Variants in KCTD3 observed in about 807,000 individuals in gnomAD.
KCTD3 encodes potassium channel tetramerization domain containing 3.
In KCTD3, 41 loss-of-function variants were observed where a neutral mutation model predicts 85.8. That is an observed-to-expected ratio of 0.48 (90% CI 0.37 to 0.62). The LOEUF is 0.62. KCTD3 is among the 20% of genes least tolerant of loss of function. KCTD3 has a pLI of 0.00. For synonymous variants in KCTD3, 338 were observed against 345.4 expected, an observed-to-expected ratio of 0.98 and a Z score of 0.24; for missense variants, 724 against 989.9, an observed-to-expected ratio of 0.73 and a Z score of 3.60.
chr1:215,612,531 T>C (rs546533712), intron 15 of KCTD3, among the ~76,000 whole-genome samples: 44 of 152,328 alleles, frequency 2.9e-4, no homozygotes, highest in African/African-American at 8.4e-4. Flanking sequence ...GCTGCACTTA[T>C]GCTTCCATTA....
At chr1:215,596,384 G>A (rs1159143281) in intron 10 of KCTD3, among the ~76,000 whole-genome samples, 1 of 152,228 alleles carries the variant, frequency 6.6e-6, no homozygotes, top group South Asian at 2.1e-4. Context: ...AGAAGAAAGG[G>A]TGAGAAATAT....
chr1:215,618,797 C>T, intron 15 of KCTD3, 89 bp from the exon 16 acceptor site: 1 of 954,636 alleles, frequency 1.0e-6, no homozygotes, highest in Non-Finnish European at 1.6e-6. Context: ...AACATGTTTG[C>T]TTTCTTTCTT....
Position 215,620,173 on chromosome 1 carries a change from A to G in KCTD3, c.2003A>G (p.Tyr668Cys), listed in dbSNP as rs756398946. The change falls in exon 18 of 18, where the codon TAT becomes TGT. Residue 668 changes from tyrosine to cysteine, a missense_variant. Transcript: ENST00000259154. ...RARRTESFHS[Y>C]RDFQTINLNR... The stretch of plus-strand genomic sequence containing the variant: ...AGAAGGACTGAGAGCTTTCACAGTT[A>G]TAGGGACTTCCAGACTATTAATTTG... 43 of 1,613,886 alleles carry G rather than the reference A, an allele frequency of 2.7e-5. No homozygotes were observed. Among genetic ancestry groups the G allele is most frequent in the Admixed American group, 1.8e-4 (11 of 60,004 alleles).
At chr1:215,610,560 T>C (rs1655192196) in intron 14 of KCTD3, among the ~76,000 whole-genome samples, 1 of 151,942 alleles carries the variant, frequency 6.6e-6, no homozygotes, top group Non-Finnish European at 1.5e-5. Context: ...GTTATTTTAT[T>C]CTGAGTTATT....
chr1:215,579,422 C>G (rs1465270845), intron 7 of KCTD3, among the ~76,000 whole-genome samples: 2 of 152,108 alleles, frequency 1.3e-5, no homozygotes, highest in Admixed American at 6.5e-5. Flanking sequence ...GTCAGACCTA[C>G]TCAACTTTGC....
intron 15 of KCTD3, chr1:215,618,370 T>C: frequency 6.0e-6 from 1 of 166,232 alleles, no homozygotes; most frequent in Non-Finnish European, 1.3e-5. Flanking sequence ...TCCTGTATGC[T>C]TCTCAAATTC....
chr1:215,576,049 G>C, intron 4 of KCTD3, 75 bp downstream of exon 4: 1 of 852,500 alleles, frequency 1.2e-6, no homozygotes, highest in Non-Finnish European at 1.8e-6. Context: ...TGAAATAAAA[G>C]GTTTTTTTTG....
chr1:215,599,013 G>A (rs541721027), intron 10 of KCTD3, among the ~76,000 whole-genome samples: 1 of 152,286 alleles, frequency 6.6e-6, no homozygotes, highest in South Asian at 2.1e-4. Flanking sequence ...ATGATAAAAA[G>A]TATTCATAGA....
At chr1:215,610,544 T>C (rs1655191694) in intron 14 of KCTD3, among the ~76,000 whole-genome samples, 1 of 151,966 alleles carries the variant, frequency 6.6e-6, no homozygotes, top group East Asian at 1.9e-4. Context: ...AGTCTTCTCA[T>C]TCCTAGTTAT....
intron 1 of KCTD3, among the ~76,000 whole-genome samples, chr1:215,568,355 T>G (rs1659226472): frequency 6.6e-6 from 1 of 152,154 alleles, no homozygotes; most frequent in Non-Finnish European, 1.5e-5. Context: ...GTTCAACTTC[T>G]AGGACAGTGT....
At chr1:215,613,874 G>A (rs989764449) in intron 15 of KCTD3, among the ~76,000 whole-genome samples, 3 of 151,772 alleles carry the variant, frequency 2.0e-5, no homozygotes, top group Non-Finnish European at 4.4e-5. Context: ...TTTTTGTACC[G>A]GTACCATGCT....
intron 4 of KCTD3, 105 bp from the exon 5 acceptor site, chr1:215,577,565 G>C (rs745615303): frequency 1.4e-6 from 1 of 714,696 alleles, no homozygotes; most frequent in African/African-American, 1.8e-5. Context: ...AATTTTTAAA[G>C]CCTTATGACT....
At chr1:215,607,638 C>T (rs1254254870) in intron 13 of KCTD3, among the ~76,000 whole-genome samples, 1 of 151,722 alleles carries the variant, frequency 6.6e-6, no homozygotes, top group East Asian at 1.9e-4. Flanking sequence ...AGTTGAGTAG[C>T]ATAAGCAGAA....
At chr1:215,574,267 T>C (rs562581983) in intron 3 of KCTD3, 149 bp downstream of exon 3, 2 of 482,750 alleles carry the variant, frequency 4.1e-6, no homozygotes, top group East Asian at 6.2e-5. Context: ...TCATATGTAG[T>C]TTTTTATAAT....
At chr1:215,579,206 A>G in intron 7 of KCTD3, 69 bp downstream of exon 7, 3 of 1,351,578 alleles carry the variant, frequency 2.2e-6, no homozygotes, top group Non-Finnish European at 3.1e-6. Flanking sequence ...ATATTGAGTA[A>G]TTACTTTTAA....
At chr1:215,618,674 A>G (rs1290431658) in intron 15 of KCTD3, 2 of 431,398 alleles carry the variant, frequency 4.6e-6, no homozygotes, top group African/African-American at 4.1e-5. Context: ...GTATTATCCT[A>G]ATGATGGATA....
At chr1:215,578,107 A>T (rs1659658314) in intron 6 of KCTD3, 26 bp downstream of exon 6, 2 of 1,593,622 alleles carry the variant, frequency 1.3e-6, no homozygotes, top group African/African-American at 1.3e-5. Flanking sequence ...TAAATCTTTT[A>T]AAAAATTCCT....
intron 14 of KCTD3, 44 bp from the exon 15 acceptor site, chr1:215,611,781 T>A (rs1229119728): frequency 1.6e-6 from 2 of 1,288,918 alleles, no homozygotes; most frequent in African/African-American, 1.5e-5. Flanking sequence ...TGAGAAAAAA[T>A]AAAATTTTAA....
At position 215,586,715 on chromosome 1, in the gene KCTD3, T is replaced by C. The variant is rs202078864; in HGVS notation, c.817+30T>C. ...GAAGAATCTTGTTTATGTTGCAATT[T>C]GATGATATTAATATTTTGAAGTTTA... is the stretch of plus-strand genomic sequence containing the variant. On this transcript the variant is annotated intron_variant, in intron 9 of 17. Coordinates refer to ENST00000259154, the MANE Select transcript of KCTD3 (RefSeq NM_016121.5). 3.8e-6 allele frequency: 6 copies of C among 1,561,298 alleles called. No homozygotes were observed. The African/African-American group carries it at 6.8e-5, about 18-fold the overall frequency.
Sources: allele counts gnomAD v4.1 joint callset (sites outside exome capture counted in the v4.1 genomes callset), GRCh38; gene constraint gnomAD v4.1.1; transcripts MANE v1.5; gene names NCBI Gene and HGNC (gene_info 2026-07-23, HGNC 2026-07-21).